The following RBFOX2 variants were observed in gnomAD, a reference collection of about 807,000 sequenced individuals.
The protein encoded by RBFOX2 is RNA binding fox-1 homolog 2.
Under a neutral mutation model 49.1 loss-of-function variants are expected in RBFOX2, and 10 were observed. That is an observed-to-expected ratio of 0.20 (90% CI 0.13 to 0.35). RBFOX2 has a LOEUF of 0.35. RBFOX2 is among the 10% of genes least tolerant of loss of function. The pLI is 1.00. For synonymous variants in RBFOX2, 183 were observed against 187.4 expected (o/e 0.98, Z 0.19); for missense variants, 323 against 486.9 (o/e 0.66, Z 3.17).
intron 2 of RBFOX2, among the ~76,000 whole-genome samples, chr22:35,786,137 T>C (rs1946340428): frequency 6.6e-6 from 1 of 152,192 alleles, no homozygotes; most frequent in Non-Finnish European, 1.5e-5. Context: ...TCTGTCACAG[T>C]GTATGTGAAG....
At chr22:35,807,316 C>A (rs1040894241) in intron 2 of RBFOX2, among the ~76,000 whole-genome samples, 1 of 151,662 alleles carries the variant, frequency 6.6e-6, no homozygotes, top group African/African-American at 2.4e-5. Flanking sequence ...ATGAAAAAAC[C>A]AATTGGTTAA....
intron 1 of RBFOX2, chr22:35,822,794 A>G (rs1489839267): frequency 2.4e-6 from 1 of 423,632 alleles, no homozygotes; most frequent in Non-Finnish European, 4.6e-6. Flanking sequence ...GGAGACAAAC[A>G]CTGTTTTATG....
At position 35,759,826 on chromosome 22, in the gene RBFOX2, T is replaced by C; in HGVS notation, c.887+62A>G. ...CCCAGAAGTTATGAAAGGGCCATGG[T>C]ATTCTTTTTTGGTCCAACTGCTTAT... is the stretch of plus-strand genomic sequence containing the variant. On this transcript the variant is annotated intron_variant, in intron 9 of 11. Transcript: ENST00000405409. The surrounding 1 kb of genome is among the most constrained non-coding windows in gnomAD (Gnocchi z 4.6). 1.3e-6 allele frequency: 2 copies of C among 1,593,882 alleles called. No individual in the cohort carries two copies. Among genetic ancestry groups the C allele is most frequent in the Non-Finnish European group, 1.7e-6 (2 of 1,163,968 alleles).
At chr22:35,963,355 C>T (rs986494188), upstream of RBFOX2, among the ~76,000 whole-genome samples, 2 of 152,168 alleles carry the variant, frequency 1.3e-5, no homozygotes, top group Non-Finnish European at 2.9e-5. Flanking sequence ...CCTTGTTGAC[C>T]TTAACAAGCC....
At chr22:35,849,278 CACACACACAT>C (rs1224249581) in intron 1 of RBFOX2, among the ~76,000 whole-genome samples, 1 of 144,076 alleles carries the variant, frequency 6.9e-6, no homozygotes, top group Non-Finnish European at 1.5e-5. Flanking sequence ...TCAAAACACA[CACACACACAT>C]ACACACACAA....
chr22:35,902,990 A>G (rs2048754810), intron 1 of RBFOX2, among the ~76,000 whole-genome samples: 1 of 152,074 alleles, frequency 6.6e-6, no homozygotes, highest in Non-Finnish European at 1.5e-5. Flanking sequence ...TTAAATGAGA[A>G]GCATTCAGAC....
At chr22:35,918,237 T>C (rs768646789) in intron 1 of RBFOX2, among the ~76,000 whole-genome samples, 1 of 152,182 alleles carries the variant, frequency 6.6e-6, no homozygotes, top group Non-Finnish European at 1.5e-5. Flanking sequence ...CCACAACATT[T>C]CTGGTGTACA....
chr22:35,920,491 G>A (rs2149583084), intron 1 of RBFOX2, among the ~76,000 whole-genome samples: 1 of 151,934 alleles, frequency 6.6e-6, no homozygotes, highest in African/African-American at 2.4e-5. Context: ...CTTATTTCTG[G>A]GCTCACTTTA....
exon 1 of RBFOX2, chr22:35,961,568 A>G (rs1259024159): frequency 6.9e-6 from 9 of 1,303,818 alleles, no homozygotes; most frequent in Non-Finnish European, 9.1e-6. Flanking sequence ...CCAACCTCAC[A>G]GGGGTTCCTG....
intron 1 of RBFOX2, among the ~76,000 whole-genome samples, chr22:35,846,963 C>T (rs1727200633): frequency 6.6e-6 from 1 of 152,172 alleles, no homozygotes; most frequent in South Asian, 2.1e-4. Flanking sequence ...TAAGGAAAAC[C>T]TGTGATAAAA....
Position 35,982,452 on chromosome 22 carries a change from C to T in RBFOX2, c.187-43555G>A, listed in dbSNP as rs182390176. On this transcript the variant is annotated intron_variant, in intron 1 of 13. Transcript: ENST00000438146. ...CTTGTTGGTACCAGTCTCCCTACTA[C>T]ACTGGGAGCCCCTGAGGTCATGGAC... Among the ~76,000 whole-genome samples, 287 of 152,220 alleles carry T rather than the reference C, an allele frequency of 1.9e-3. 3 individuals carry two copies. The highest frequency in any genetic ancestry group is 6.6e-3 in the African/African-American group (275 of 41,540).
intron 1 of RBFOX2, among the ~76,000 whole-genome samples, chr22:36,025,902 T>A (rs922114763): frequency 2.0e-5 from 3 of 152,126 alleles, no homozygotes; most frequent in African/African-American, 7.2e-5. Context: ...ATTCAGCTAG[T>A]TGAAGGCAGG....
intron 1 of RBFOX2, among the ~76,000 whole-genome samples, chr22:35,827,729 G>C (rs771436543): frequency 5.3e-5 from 8 of 151,860 alleles, no homozygotes; most frequent in African/African-American, 1.9e-4. Flanking sequence ...CACATCTTAC[G>C]CATTCTTCCT....
At chr22:35,942,312 T>C (rs1029760553), upstream of RBFOX2, among the ~76,000 whole-genome samples, 22 of 152,172 alleles carry the variant, frequency 1.4e-4, no homozygotes, top group African/African-American at 4.6e-4. Context: ...CACCTAATAG[T>C]AGGAATATAA....
intron 11 of RBFOX2, among the ~76,000 whole-genome samples, chr22:35,744,505 G>A (rs62233618): frequency 0.061 from 9,272 of 152,204 alleles, 352 homozygotes; most frequent in South Asian, 0.09. Flanking sequence ...TTATTTACAT[G>A]AATTAGCACA....
chr22:35,979,283 G>A (rs1279562703), intron 1 of RBFOX2, among the ~76,000 whole-genome samples: 1 of 152,184 alleles, frequency 6.6e-6, no homozygotes. Context: ...GCAACTAAAT[G>A]CAACGCATAT....
chr22:35,750,028 CACA>C (rs1321997290), intron 9 of RBFOX2, among the ~76,000 whole-genome samples: 1 of 152,126 alleles, frequency 6.6e-6, no homozygotes, highest in African/African-American at 2.4e-5. Flanking sequence ...AGCGTGCAGC[CACA>C]ACGACCTGGT....
intron 5 of RBFOX2, 91 bp from the exon 7 acceptor site, chr22:35,765,574 T>G: frequency 1.6e-6 from 1 of 627,478 alleles, no homozygotes; most frequent in South Asian, 3.1e-5. Context: ...GTATTTAGTT[T>G]AAAATGTAAA....
upstream of RBFOX2, among the ~76,000 whole-genome samples, chr22:35,966,605 A>G (rs1385197045): frequency 6.6e-6 from 1 of 152,122 alleles, no homozygotes. Flanking sequence ...ATTTTTTGGA[A>G]CATTTGGAGA....
Sources: gnomAD v4.1 joint callset for allele counts (sites outside exome capture counted in the v4.1 genomes callset) on GRCh38, gnomAD v4.1.1 for gene constraint, Gnocchi (gnomAD v3.1) non-coding constraint, MANE v1.5 for transcripts, NCBI Gene and HGNC (gene_info 2026-07-23, HGNC 2026-07-21) for gene names.